The following PGCKA1 variants were observed in gnomAD, a reference collection of about 807,000 sequenced individuals.
PGCKA1 encodes the protein PDCD10 and GCKIII kinases associated 1, also known as PDCD10 and GCKIII kinases-associated protein 1.
the PGCKA1 span, among the ~76,000 whole-genome samples, chr4:37,589,269 CT>C: frequency 2.6e-5 from 4 of 152,290 alleles, no homozygotes; most frequent in African/African-American, 9.6e-5. Flanking sequence ...ACATAAACTT[CT>C]AACTAAGAAA....
At chr4:37,495,779 AAACCAC>A in the PGCKA1 span, among the ~76,000 whole-genome samples, 1 of 152,148 alleles carries the variant, frequency 6.6e-6, no homozygotes, top group East Asian at 1.9e-4. Flanking sequence ...TGGGTGCAGC[AAACCAC>A]CATGGCAAGT....
chr4:37,516,189 A>T, the PGCKA1 span, among the ~76,000 whole-genome samples: 1 of 152,246 alleles, frequency 6.6e-6, no homozygotes, highest in African/African-American at 2.4e-5. Context: ...GGCTAAAGGA[A>T]GAGTGATCTA....
At chr4:37,493,432 A>G in the PGCKA1 span, among the ~76,000 whole-genome samples, 3 of 152,228 alleles carry the variant, frequency 2.0e-5, no homozygotes, top group Non-Finnish European at 4.4e-5. Context: ...GGCTTACTCC[A>G]CAAACATTTA....
the PGCKA1 span, among the ~76,000 whole-genome samples, chr4:37,593,149 C>T: frequency 6.6e-6 from 1 of 152,180 alleles, no homozygotes; most frequent in African/African-American, 2.4e-5. Flanking sequence ...GTATTTAGTA[C>T]ACCAAATACT....
chr4:37,470,661 A>G, the PGCKA1 span, among the ~76,000 whole-genome samples: 3 of 152,236 alleles, frequency 2.0e-5, no homozygotes, highest in Non-Finnish European at 4.4e-5. Flanking sequence ...GTGAAACTTT[A>G]GGAATTAAAC....
the PGCKA1 span, among the ~76,000 whole-genome samples, chr4:37,544,030 G>GT: frequency 6.6e-6 from 1 of 152,000 alleles, no homozygotes; most frequent in Admixed American, 6.6e-5. Flanking sequence ...TCCCTCACTT[G>GT]TTTTTTACAT....
At chr4:37,532,293 A>G in the PGCKA1 span, among the ~76,000 whole-genome samples, 10,080 of 152,330 alleles carry the variant, frequency 0.066, 553 homozygotes, top group South Asian at 0.22. Flanking sequence ...CTGATTCACC[A>G]AAGAATTTGC....
At chr4:37,590,934 G>A in the PGCKA1 span, 105 of 1,614,188 alleles carry the variant, frequency 6.5e-5, 1 homozygote, top group South Asian at 2.4e-4. Flanking sequence ...AGGATGCAGC[G>A]GTGGCGGAGG....
the PGCKA1 span, among the ~76,000 whole-genome samples, chr4:37,468,901 G>A: frequency 7.5e-3 from 1,140 of 152,176 alleles, 11 homozygotes; most frequent in African/African-American, 0.026. Flanking sequence ...CGGAAAAAAC[G>A]TTAAGCCTCA....
the PGCKA1 span, among the ~76,000 whole-genome samples, chr4:37,569,979 C>CTTTTTTTT: frequency 2.5e-5 from 3 of 119,278 alleles, no homozygotes; most frequent in East Asian, 2.4e-4. Flanking sequence ...GCATATAATC[C>CTTTTTTTT]TTTTTTTTTT....
At chr4:37,509,333 G>A in the PGCKA1 span, among the ~76,000 whole-genome samples, 24,163 of 85,324 alleles carry the variant, frequency 0.28, 3,214 homozygotes, top group African/African-American at 0.33. Flanking sequence ...CAGGGCGGCC[G>A]GGCAGAGACG....
chr4:37,477,831 T>C, the PGCKA1 span, among the ~76,000 whole-genome samples: 1 of 152,140 alleles, frequency 6.6e-6, no homozygotes, highest in Admixed American at 6.5e-5. Context: ...AATTCTAAAA[T>C]ATGTACAGAT....
chr4:37,592,313 C>T, the PGCKA1 span, among the ~76,000 whole-genome samples: 7 of 140,442 alleles, frequency 5.0e-5, no homozygotes, highest in Admixed American at 5.3e-4. Context: ...GCCAGGAATT[C>T]GAGACCAACC....
chr4:37,469,546 CAA>C, the PGCKA1 span, among the ~76,000 whole-genome samples: 1 of 152,024 alleles, frequency 6.6e-6, no homozygotes, highest in Non-Finnish European at 1.5e-5. Flanking sequence ...AATTACAAGA[CAA>C]CACATAGAAA....
chr4:37,524,334 A>G, the PGCKA1 span, among the ~76,000 whole-genome samples: 3 of 152,190 alleles, frequency 2.0e-5, no homozygotes, highest in Non-Finnish European at 4.4e-5. Context: ...GGACTCTCAC[A>G]AGGTTGCAGT....
the PGCKA1 span, among the ~76,000 whole-genome samples, chr4:37,569,517 T>C: frequency 3.9e-5 from 6 of 152,182 alleles, no homozygotes; most frequent in East Asian, 1.2e-3. Flanking sequence ...GTGGATTTCT[T>C]ATACCTGGGC....
At chr4:37,567,449 G>A in the PGCKA1 span, among the ~76,000 whole-genome samples, 1 of 152,108 alleles carries the variant, frequency 6.6e-6, no homozygotes, top group East Asian at 1.9e-4. Flanking sequence ...ATCATCATTC[G>A]CGTGTTGCAG....
At chr4:37,580,072 A>G in the PGCKA1 span, among the ~76,000 whole-genome samples, 1 of 152,034 alleles carries the variant, frequency 6.6e-6, no homozygotes, top group East Asian at 1.9e-4. Context: ...ACTCTGATGC[A>G]TTCTTCAGTA....
the PGCKA1 span, among the ~76,000 whole-genome samples, chr4:37,467,995 G>C: frequency 1.3e-5 from 2 of 152,184 alleles, no homozygotes; most frequent in African/African-American, 4.8e-5. Flanking sequence ...CATACAGTAG[G>C]AATAAGTTAG....
Sources: gnomAD v4.1 joint callset for allele counts (sites outside exome capture counted in the v4.1 genomes callset) on GRCh38, gnomAD v4.1.1 for gene constraint, MANE v1.5 for transcripts, NCBI Gene and HGNC (gene_info 2026-07-23, HGNC 2026-07-21) for gene names.